The following MACROD2 variants were observed in gnomAD, a reference collection of about 807,000 sequenced individuals.
MACROD2 encodes the protein ADP-ribose glycohydrolase MACROD2.
A neutral mutation model predicts 70.4 loss-of-function variants in MACROD2; 36 were observed. The observed-to-expected ratio is 0.51, with a 90% CI of 0.39 to 0.68. The LOEUF is 0.68. Among genes scored for constraint, MACROD2 ranks in the 30% least tolerant of loss-of-function variants. MACROD2 has a pLI of 0.00. For missense variants in MACROD2, 496 were observed against 538.4 expected, an observed-to-expected ratio of 0.92 and a Z score of 0.78; for synonymous variants, 172 against 178.8, an observed-to-expected ratio of 0.96 and a Z score of 0.30.
chr20:14,988,023 C>T (rs1349147147), intron 5 of MACROD2, among the ~76,000 whole-genome samples: 2 of 151,938 alleles, frequency 1.3e-5, no homozygotes, highest in South Asian at 2.1e-4. Flanking sequence ...GGAAATTGGA[C>T]GATTTTGGTT....
Position 15,862,053 on chromosome 20 carries a change from T to G in MACROD2, c.646-692T>G, listed in dbSNP as rs1394143068. ...TTTACTATATTACTCTCTGAATGTTTCCAAGAAACTCTTTACATACAGAAG... is the reference window on the plus strand; with the variant it reads ...TTTACTATATTACTCTCTGAATGTTGCCAAGAAACTCTTTACATACAGAAG... On this transcript the variant is annotated intron_variant, in intron 8 of 17. Coordinates refer to ENST00000684519, the MANE Select transcript of MACROD2 (RefSeq NM_001351661.2). Among the ~76,000 whole-genome samples, 4 of 152,344 alleles carry G rather than the reference T, an allele frequency of 2.6e-5. No individual in the cohort carries two copies. In the East Asian group the frequency reaches 7.7e-4, roughly 29 times the overall value.
At chr20:15,786,899 A>ACTCT (rs2051937792) in intron 8 of MACROD2, among the ~76,000 whole-genome samples, 1 of 152,248 alleles carries the variant, frequency 6.6e-6, no homozygotes, top group Admixed American at 6.5e-5. Flanking sequence ...GAGATGGCAT[A>ACTCT]CAAAGTGTAA....
chr20:14,331,564 A>T (rs2082840866), intron 3 of MACROD2, among the ~76,000 whole-genome samples: 1 of 152,102 alleles, frequency 6.6e-6, no homozygotes, highest in African/African-American at 2.4e-5. Flanking sequence ...GGAGAGAAGG[A>T]TACTCTTTCG....
intron 5 of MACROD2, among the ~76,000 whole-genome samples, chr20:14,943,113 C>T (rs1011613344): frequency 3.3e-5 from 5 of 152,132 alleles, no homozygotes; most frequent in African/African-American, 9.7e-5. Flanking sequence ...TCTGAACTGA[C>T]AGTTGAAAAG....
chr20:16,037,117 G>A (rs369015104), intron 15 of MACROD2, among the ~76,000 whole-genome samples: 1 of 151,982 alleles, frequency 6.6e-6, no homozygotes, highest in East Asian at 1.9e-4. Context: ...CACAACCTGA[G>A]ATTTCTCACA....
chr20:14,922,535 A>G (rs2074176511), intron 5 of MACROD2, among the ~76,000 whole-genome samples: 1 of 152,218 alleles, frequency 6.6e-6, no homozygotes, highest in Admixed American at 6.5e-5. Context: ...CTGCTAAAAT[A>G]TACTGCTGGA....
chr20:14,608,671 G>C (rs929522175), intron 4 of MACROD2, among the ~76,000 whole-genome samples: 2 of 152,158 alleles, frequency 1.3e-5, no homozygotes, highest in African/African-American at 2.4e-5. Flanking sequence ...TTGACTAGTG[G>C]GAGGATGAGG....
At chr20:14,523,703 C>T (rs1409330344) in intron 4 of MACROD2, among the ~76,000 whole-genome samples, 8 of 152,178 alleles carry the variant, frequency 5.3e-5, no homozygotes, top group African/African-American at 1.9e-4. Flanking sequence ...CTACCTAGTC[C>T]ACTGACAGAT....
intron 6 of MACROD2, among the ~76,000 whole-genome samples, chr20:15,365,467 C>T (rs2146252753): frequency 6.6e-6 from 1 of 152,120 alleles, no homozygotes; most frequent in African/African-American, 2.4e-5. Flanking sequence ...AGATTGAGAT[C>T]ATCCTGGCTA....
intron 12 of MACROD2, among the ~76,000 whole-genome samples, chr20:15,942,529 C>G (rs1369226574): frequency 6.6e-6 from 1 of 152,122 alleles, no homozygotes; most frequent in East Asian, 1.9e-4. Context: ...TAAAAATACT[C>G]TGTTGATTTA....
rs1438619548 is a variant in MACROD2 at position 14,327,446 on chromosome 20, C to G, written c.272-166033C>G. 8 of 1,613,348 alleles carry G rather than the reference C, an allele frequency of 5.0e-6. No homozygotes were observed. In the East Asian group the frequency reaches 1.8e-4, roughly 36 times the overall value. On this transcript the variant is annotated intron_variant, in intron 3 of 17. Transcript: ENST00000684519. ...TTAGCCATAACTGATAGAGGTGCTA[C>G]TTGAAGGAACAGCCCAATTTTAGTC...
intron 4 of MACROD2, among the ~76,000 whole-genome samples, chr20:14,555,858 G>A (rs1568668583): frequency 6.6e-6 from 1 of 152,012 alleles, no homozygotes; most frequent in Non-Finnish European, 1.5e-5. Context: ...GTGAGGTGGG[G>A]CTGTGGGAGG....
chr20:15,336,096 C>A (rs2146199273), intron 6 of MACROD2, among the ~76,000 whole-genome samples: 1 of 151,720 alleles, frequency 6.6e-6, no homozygotes, highest in South Asian at 2.1e-4. Flanking sequence ...AGACAAAACC[C>A]CAAGGGCCAG....
Position 14,563,664 on chromosome 20 carries a change from A to G in MACROD2, c.301+70156A>G, listed in dbSNP as rs142010977. On this transcript the variant is annotated intron_variant, in intron 4 of 17. Coordinates refer to ENST00000684519, the MANE Select transcript of MACROD2 (RefSeq NM_001351661.2). Reference sequence around the variant, plus strand: ...AACATTTTCTGAATTACAGTTCAATATCAATTCTATAATTTCTATTTGGTT... The same window carrying G: ...AACATTTTCTGAATTACAGTTCAATGTCAATTCTATAATTTCTATTTGGTT... Among the ~76,000 whole-genome samples the G allele has an allele frequency of 2.0e-3, 302 of 152,110 alleles. 2 individuals carry two copies. The highest frequency in any genetic ancestry group is 7.1e-3 in the African/African-American group (295 of 41,534).
At chr20:14,158,986 C>T (rs1350743480) in intron 3 of MACROD2, among the ~76,000 whole-genome samples, 2 of 152,118 alleles carry the variant, frequency 1.3e-5, no homozygotes, top group Admixed American at 6.6e-5. Flanking sequence ...CCTGTAATCC[C>T]AGCACTTTGG....
intron 9 of MACROD2, among the ~76,000 whole-genome samples, chr20:15,871,699 C>T (rs6074960): frequency 0.12 from 18,506 of 152,150 alleles, 1,498 homozygotes; most frequent in South Asian, 0.26. Flanking sequence ...GAGAAGTTCA[C>T]GTCTGGTGTT....
In MACROD2 at chr20:16,019,333, T is replaced by G. The variant is rs1309113545; in HGVS notation, c.1154-21868T>G. ...CGGGTTTGCATCTGAGGAGCCACAC[T>G]GGTGGAAATAAGGGCCATGCTGGGA... On this transcript the variant is annotated intron_variant, in intron 15 of 17. Transcript: ENST00000684519. 4.6e-5 allele frequency among the ~76,000 whole-genome samples: 7 copies of G among 152,290 alleles called. No individual in the cohort carries two copies. The East Asian group carries it at 7.7e-4, about 17-fold the overall frequency.
intron 3 of MACROD2, among the ~76,000 whole-genome samples, chr20:14,171,368 C>T (rs2081219345): frequency 6.6e-6 from 1 of 151,918 alleles, no homozygotes; most frequent in Non-Finnish European, 1.5e-5. Flanking sequence ...TTTGTTATTT[C>T]TTTTCTTCTT....
chr20:15,628,095 A>C (rs2049233079), intron 8 of MACROD2, among the ~76,000 whole-genome samples: 2 of 152,238 alleles, frequency 1.3e-5, no homozygotes. Flanking sequence ...AGAAATGGAA[A>C]GAAGAAACTA....
Sources: gnomAD v4.1 joint callset for allele counts (sites outside exome capture counted in the v4.1 genomes callset) on GRCh38, gnomAD v4.1.1 for gene constraint, MANE v1.5 for transcripts, NCBI Gene and HGNC (gene_info 2026-07-23, HGNC 2026-07-21) for gene names.